CLVS1: variants seen among roughly 807,000 people sequenced by gnomAD.
CLVS1 encodes clavesin-1.
CLVS1 carries 10 observed loss-of-function variants against 33.1 expected under a neutral mutation model. The ratio of observed to expected loss-of-function variants is 0.30; its 90% CI spans 0.19 to 0.51. The LOEUF is 0.51. CLVS1 is among the 20% of genes least tolerant of loss of function. The probability of loss-of-function intolerance (pLI) is 0.97; values close to 1 mark genes in which losing one functional copy is unlikely to be tolerated. For synonymous variants in CLVS1, 163 were observed against 166.1 expected (o/e 0.98, Z 0.14); for missense variants, 343 against 433.4 (o/e 0.79, Z 1.85).
chr8:61,181,773 C>T (rs192275593), intron 2 of CLVS1, among the ~76,000 whole-genome samples: 167 of 147,116 alleles, frequency 1.1e-3, no homozygotes, highest in African/African-American at 3.5e-3. Context: ...GATCTCTGCT[C>T]ACTGCAAACT....
intron 1 of CLVS1, among the ~76,000 whole-genome samples, chr8:61,131,246 G>A (rs1806093768): frequency 1.3e-5 from 2 of 152,216 alleles, no homozygotes; most frequent in South Asian, 4.1e-4. Context: ...GAGCACATAT[G>A]CATTTTAGGA....
the CLVS1 span, among the ~76,000 whole-genome samples, chr8:61,021,582 G>A: frequency 1.3e-5 from 2 of 150,738 alleles, no homozygotes; most frequent in East Asian, 1.9e-4. Context: ...GGGTGGTCTC[G>A]AACTCTTGAC....
At chr8:61,047,657 T>C in the CLVS1 span, among the ~76,000 whole-genome samples, 3 of 152,022 alleles carry the variant, frequency 2.0e-5, no homozygotes, top group African/African-American at 4.8e-5. Flanking sequence ...ATGGATGAAA[T>C]TGGAAATCAT....
chr8:61,168,951 G>C (rs1388220518), intron 2 of CLVS1, among the ~76,000 whole-genome samples: 4 of 152,078 alleles, frequency 2.6e-5, no homozygotes, highest in Non-Finnish European at 5.9e-5. Context: ...ATTTTCTTTT[G>C]CTTCCATAGA....
chr8:61,001,986 T>C, the CLVS1 span, among the ~76,000 whole-genome samples: 7 of 116,142 alleles, frequency 6.0e-5, no homozygotes, highest in African/African-American at 2.1e-4. Context: ...ATCAACCCAC[T>C]TTTTTTTTTT....
At chr8:61,444,697 G>A (rs1391680123) in intron 3 of CLVS1, among the ~76,000 whole-genome samples, 1 of 152,168 alleles carries the variant, frequency 6.6e-6, no homozygotes, top group African/African-American at 2.4e-5. Context: ...AGGAGGCAGC[G>A]GAGTGAGTAG....
At chr8:61,155,233 A>G (rs1806626580) in intron 2 of CLVS1, among the ~76,000 whole-genome samples, 1 of 152,234 alleles carries the variant, frequency 6.6e-6, no homozygotes, top group South Asian at 2.1e-4. Context: ...GGATACGCAT[A>G]GCACCTCTAC....
intron 2 of CLVS1, among the ~76,000 whole-genome samples, chr8:61,339,829 C>T (rs4738883): frequency 5.1e-5 from 7 of 137,778 alleles, no homozygotes; most frequent in African/African-American, 1.7e-4. Context: ...AAAGAAAGAG[C>T]GAGAAAGGAA....
At chr8:61,101,629 T>C (rs568466576) in intron 1 of CLVS1, among the ~76,000 whole-genome samples, 3 of 152,302 alleles carry the variant, frequency 2.0e-5, no homozygotes, top group African/African-American at 7.2e-5. Context: ...TGATGATGTC[T>C]GGTTTATTTA....
At chr8:61,028,746 C>T in the CLVS1 span, among the ~76,000 whole-genome samples, 249 of 152,248 alleles carry the variant, frequency 1.6e-3, 1 homozygote, top group African/African-American at 5.7e-3. Context: ...GCTGATGATC[C>T]CAAGCAAACC....
chr8:61,048,385 G>C, the CLVS1 span, among the ~76,000 whole-genome samples: 1 of 152,336 alleles, frequency 6.6e-6, no homozygotes, highest in East Asian at 1.9e-4. Flanking sequence ...GAATCCCGCA[G>C]AAGCCATGCC....
chr8:61,333,161 G>A (rs1811664391), intron 2 of CLVS1, among the ~76,000 whole-genome samples: 1 of 152,144 alleles, frequency 6.6e-6, no homozygotes, highest in Non-Finnish European at 1.5e-5. Flanking sequence ...TGCTTAGGAA[G>A]CAAAAACGTT....
intron 5 of CLVS1, among the ~76,000 whole-genome samples, chr8:61,483,459 C>T (rs1040319625): frequency 6.6e-6 from 1 of 152,086 alleles, no homozygotes; most frequent in Non-Finnish European, 1.5e-5. Context: ...AATAGCCTAC[C>T]AACCAAAAAA....
chr8:61,192,948 G>A (rs1807524651), intron 2 of CLVS1, among the ~76,000 whole-genome samples: 1 of 152,168 alleles, frequency 6.6e-6, no homozygotes, highest in Non-Finnish European at 1.5e-5. Flanking sequence ...CAACCATTGT[G>A]GAAGACAGTG....
chr8:61,205,380 T>C (rs1807819039), intron 2 of CLVS1, among the ~76,000 whole-genome samples: 1 of 152,246 alleles, frequency 6.6e-6, no homozygotes, highest in South Asian at 2.1e-4. Flanking sequence ...ATACAGTATT[T>C]GTCCTTTCGT....
chr8:61,361,499 C>T (rs2129600041), intron 2 of CLVS1, among the ~76,000 whole-genome samples: 1 of 152,278 alleles, frequency 6.6e-6, no homozygotes, highest in South Asian at 2.1e-4. Context: ...CTTACTTTTC[C>T]CTGTCTCATA....
At chr8:61,036,792 T>C in the CLVS1 span, among the ~76,000 whole-genome samples, 1 of 152,250 alleles carries the variant, frequency 6.6e-6, no homozygotes. Flanking sequence ...GATTATGATA[T>C]GACTTTTTAA....
intron 2 of CLVS1, among the ~76,000 whole-genome samples, chr8:61,327,911 G>A (rs996092496): frequency 2.0e-5 from 3 of 152,144 alleles, no homozygotes; most frequent in Non-Finnish European, 2.9e-5. Flanking sequence ...TTAGGACCCT[G>A]AGGAGGGAAA....
intron 3 of CLVS1, among the ~76,000 whole-genome samples, chr8:61,450,621 A>T (rs1205498011): frequency 2.0e-5 from 3 of 152,212 alleles, no homozygotes; most frequent in Non-Finnish European, 2.9e-5. Flanking sequence ...AGAATTGAAT[A>T]CACTAAACAT....
Sources: allele counts gnomAD v4.1 joint callset (sites outside exome capture counted in the v4.1 genomes callset), GRCh38; gene constraint gnomAD v4.1.1; transcripts MANE v1.5; gene names NCBI Gene and HGNC (gene_info 2026-07-23, HGNC 2026-07-21).